The following SKAP2 variants were observed in gnomAD, a reference collection of about 807,000 sequenced individuals.
SKAP2 encodes src kinase-associated phosphoprotein 2.
Under a neutral mutation model 54.9 loss-of-function variants are expected in SKAP2, and 28 were observed. The observed-to-expected ratio is 0.51, with a 90% CI of 0.38 to 0.70. SKAP2 has a LOEUF of 0.70. SKAP2 is among the 30% of genes least tolerant of loss of function. The probability of loss-of-function intolerance (pLI) is 0.00; values close to 1 mark genes in which losing one functional copy is unlikely to be tolerated. For missense variants in SKAP2, 356 were observed against 424.1 expected, an observed-to-expected ratio of 0.84 and a Z score of 1.41; for synonymous variants, 137 against 134.3, an observed-to-expected ratio of 1.02 and a Z score of -0.14.
intron 9 of SKAP2, among the ~76,000 whole-genome samples, chr7:26,695,495 T>C (rs774308787): frequency 1.3e-5 from 2 of 152,216 alleles, no homozygotes; most frequent in Non-Finnish European, 1.5e-5. Context: ...ATCCAGTTAG[T>C]ACATAAGCTG....
Position 26,669,508 on chromosome 7 carries a change from A to G in SKAP2, c.*158T>C, listed in dbSNP as rs144404492. On this transcript the variant is annotated 3_prime_UTR_variant, in exon 13 of 13. Coordinates refer to ENST00000345317, the MANE Select transcript of SKAP2 (RefSeq NM_003930.5). ...TATCCTTCATTTAATTTCACATCAGAGGAATATTTTAATGAGCGACTGCAT... is the reference window on the plus strand; with the variant it reads ...TATCCTTCATTTAATTTCACATCAGGGGAATATTTTAATGAGCGACTGCAT... The G allele has an allele frequency of 6.6e-6, 1 of 152,288 alleles. No homozygotes were observed. The highest frequency in any genetic ancestry group is 1.9e-4 in the East Asian group (1 of 5,174). 9.4% of individuals were successfully genotyped at this position (152,288 alleles called of 1,614,324 possible).
At chr7:26,800,261 T>C (rs546792250) in intron 4 of SKAP2, among the ~76,000 whole-genome samples, 1 of 152,158 alleles carries the variant, frequency 6.6e-6, no homozygotes, top group Non-Finnish European at 1.5e-5. Context: ...CAGTATACTC[T>C]TGAATAACCA....
chr7:26,858,358 C>CT (rs1785216787), intron 1 of SKAP2, among the ~76,000 whole-genome samples: 1 of 152,162 alleles, frequency 6.6e-6, no homozygotes, highest in African/African-American at 2.4e-5. Context: ...CCTAATACAC[C>CT]TTAACACTGT....
rs1408648232 is a variant in SKAP2, at chr7:26,854,202, A to G, written c.174-40T>C. ...ACATATTTTTAAATGAGGTTGAAAA[A>G]TCAAAACAAGGTCTAATCAGTAACA... On this transcript the variant is annotated intron_variant, in intron 2 of 12. Coordinates refer to ENST00000345317, the MANE Select transcript of SKAP2 (RefSeq NM_003930.5). The G allele has an allele frequency of 2.2e-6, 3 of 1,391,280 alleles. No homozygotes were observed. In the South Asian group the frequency reaches 3.9e-5, roughly 18 times the overall value. 86.2% of individuals were successfully genotyped at this position (1,391,280 alleles called of 1,614,324 possible).
chr7:26,694,462 T>C (rs1323098719), intron 9 of SKAP2, among the ~76,000 whole-genome samples: 1 of 72,356 alleles, frequency 1.4e-5, no homozygotes, highest in Admixed American at 1.2e-4. Context: ...ATCAGGAGAT[T>C]TTTTTTTTTT....
At chr7:26,831,722 G>A (rs541566508) in intron 4 of SKAP2, among the ~76,000 whole-genome samples, 1 of 152,166 alleles carries the variant, frequency 6.6e-6, no homozygotes, top group South Asian at 2.1e-4. Flanking sequence ...ATTTGCTGGA[G>A]GTCACAGAGA....
intron 6 of SKAP2, among the ~76,000 whole-genome samples, chr7:26,737,170 G>C (rs1787960209): frequency 6.6e-6 from 1 of 152,124 alleles, no homozygotes; most frequent in African/African-American, 2.4e-5. Context: ...CCCTCCCCTG[G>C]TCTGGTGAAA....
At chr7:26,701,446 A>T (rs1040693392) in intron 9 of SKAP2, among the ~76,000 whole-genome samples, 1 of 152,146 alleles carries the variant, frequency 6.6e-6, no homozygotes, top group African/African-American at 2.4e-5. Flanking sequence ...TAAAATTCGC[A>T]TTCAGGCTGG....
intron 4 of SKAP2, among the ~76,000 whole-genome samples, chr7:26,759,088 A>C (rs1782866788): frequency 6.6e-6 from 1 of 152,220 alleles, no homozygotes; most frequent in Non-Finnish European, 1.5e-5. Context: ...AAATATGCAT[A>C]AAAATAACTG....
intron 9 of SKAP2, among the ~76,000 whole-genome samples, chr7:26,705,551 T>C (rs771808346): frequency 4.6e-5 from 7 of 152,216 alleles, no homozygotes; most frequent in Middle Eastern, 3.2e-3. Context: ...AAAGTAGTTA[T>C]CAAGCAGTGA....
intron 9 of SKAP2, among the ~76,000 whole-genome samples, chr7:26,714,708 G>C (rs1018628766): frequency 2.6e-5 from 4 of 152,166 alleles, no homozygotes; most frequent in African/African-American, 9.7e-5. Context: ...ATACTCTCTT[G>C]CTGCAGTCTG....
chr7:26,739,363 C>T (rs1008699221), intron 5 of SKAP2, among the ~76,000 whole-genome samples: 1 of 152,176 alleles, frequency 6.6e-6, no homozygotes, highest in African/African-American at 2.4e-5. Context: ...TTTCATTTCT[C>T]ATATTATAAA....
intron 4 of SKAP2, among the ~76,000 whole-genome samples, chr7:26,833,662 G>T (rs1295652737): frequency 2.6e-5 from 4 of 152,162 alleles, no homozygotes; most frequent in Admixed American, 2.6e-4. Flanking sequence ...AATGCAACAA[G>T]AAGAGCTAAC....
intron 4 of SKAP2, among the ~76,000 whole-genome samples, chr7:26,840,635 A>C (rs1784800788): frequency 1.3e-5 from 2 of 152,092 alleles, no homozygotes; most frequent in Admixed American, 1.3e-4. Context: ...CAATATATCC[A>C]GCCACATGAT....
In SKAP2 at chr7:26,864,452, G is replaced by A. The variant is rs1041148109; in HGVS notation, c.-23C>T. ...CATGTTAGGGAGCGCAGGGCGTGCG[G>A]GGAAAGGACCTGCGCTGAAAAGGTG... On this transcript the variant is annotated 5_prime_UTR_variant, in exon 1 of 13. Transcript: ENST00000345317. The A allele has an allele frequency of 2.5e-6, 4 of 1,590,718 alleles. No homozygotes were observed. In the Admixed American group the frequency reaches 7.0e-5, roughly 28 times the overall value.
chr7:26,674,787 G>A (rs1318394454), intron 11 of SKAP2, among the ~76,000 whole-genome samples: 2 of 152,130 alleles, frequency 1.3e-5, no homozygotes, highest in Admixed American at 6.5e-5. Flanking sequence ...TAAAGCAAGA[G>A]AGACAAAAAC....
intron 9 of SKAP2, among the ~76,000 whole-genome samples, chr7:26,707,373 GAAGT>G (rs1018743804): frequency 2.0e-5 from 3 of 151,268 alleles, no homozygotes; most frequent in African/African-American, 4.9e-5. Context: ...AAAAAAAAAA[GAAGT>G]AATTAATATT....
At position 26,703,933 on chromosome 7, in the gene SKAP2, C is replaced by T. The variant is rs966943554; in HGVS notation, c.797-13571G>A. 8.5e-5 allele frequency among the ~76,000 whole-genome samples: 13 copies of T among 152,220 alleles called. 1 individual carries two copies. The highest frequency in any genetic ancestry group is 4.1e-4 in the South Asian group (2 of 4,834). On this transcript the variant is annotated intron_variant, in intron 9 of 12. Coordinates refer to ENST00000345317, the MANE Select transcript of SKAP2 (RefSeq NM_003930.5). ...CCTCCAGAGCCCAGGTTCTGAAGCACTACAGTTTTTCTTCCCTTTGGGTGT... is the reference window on the plus strand; with the variant it reads ...CCTCCAGAGCCCAGGTTCTGAAGCATTACAGTTTTTCTTCCCTTTGGGTGT...
the SKAP2 span, among the ~76,000 whole-genome samples, chr7:26,655,531 G>A: frequency 2.0e-5 from 3 of 152,142 alleles, no homozygotes; most frequent in Non-Finnish European, 4.4e-5. Flanking sequence ...TTTTTAGATA[G>A]GAGTCCTACA....
Sources: allele counts gnomAD v4.1 joint callset (sites outside exome capture counted in the v4.1 genomes callset), GRCh38; gene constraint gnomAD v4.1.1; transcripts MANE v1.5; gene names NCBI Gene and HGNC (gene_info 2026-07-23, HGNC 2026-07-21).